Variants in STRBP observed in about 807,000 individuals in gnomAD.
The protein encoded by STRBP is spermatid perinuclear RNA-binding protein.
STRBP carries 13 observed loss-of-function variants against 80.1 expected under a neutral mutation model. The observed-to-expected ratio is 0.16, with a 90% CI of 0.11 to 0.26. The LOEUF is 0.26. STRBP is among the 10% of genes least tolerant of loss of function. STRBP has a pLI of 1.00. For synonymous variants in STRBP, 284 were observed against 291.2 expected (o/e 0.98, Z 0.25); for missense variants, 485 against 815.2 (o/e 0.59, Z 4.93).
chr9:123,229,722 G>A (rs1238759428), intron 2 of STRBP, among the ~76,000 whole-genome samples: 1 of 152,158 alleles, frequency 6.6e-6, no homozygotes, highest in African/African-American at 2.4e-5. Context: ...AATTTCCTTA[G>A]TGAAGTAAGT....
At chr9:123,138,544 C>T (rs978218646) in intron 14 of STRBP, among the ~76,000 whole-genome samples, 2 of 152,242 alleles carry the variant, frequency 1.3e-5, no homozygotes, top group African/African-American at 4.8e-5. Context: ...CGGCAAAGCT[C>T]ATCATCTGAA....
At chr9:123,112,230 C>G (rs1471260242) in intron 3 of STRBP, 1 of 167,168 alleles carries the variant, frequency 6.0e-6, no homozygotes, top group East Asian at 1.9e-4. Flanking sequence ...TCGTCAGCAT[C>G]CTGGGACAGC....
intron 6 of STRBP, among the ~76,000 whole-genome samples, chr9:123,165,674 T>C (rs1243346486): frequency 6.6e-6 from 1 of 152,130 alleles, no homozygotes; most frequent in Non-Finnish European, 1.5e-5. Flanking sequence ...CCAAAAGAAA[T>C]TGAGACTCTG....
At chr9:123,248,877 C>G (rs1416710266) in intron 1 of STRBP, among the ~76,000 whole-genome samples, 1 of 152,214 alleles carries the variant, frequency 6.6e-6, no homozygotes, top group Admixed American at 6.5e-5. Context: ...AGACTATAAA[C>G]TACTAAAGAG....
At chr9:123,131,147 C>T (rs1347795975) in intron 17 of STRBP, among the ~76,000 whole-genome samples, 1 of 152,216 alleles carries the variant, frequency 6.6e-6, no homozygotes, top group Non-Finnish European at 1.5e-5. Flanking sequence ...ATGTACAATA[C>T]ATTACTGTAA....
intron 2 of STRBP, among the ~76,000 whole-genome samples, chr9:123,196,715 T>C (rs10818790): frequency 0.38 from 57,534 of 152,038 alleles, 13,394 homozygotes; most frequent in South Asian, 0.55. Flanking sequence ...AAATGGCTTT[T>C]ATCCAAAAAG....
At chr9:123,196,994 G>A (rs1317587809) in intron 2 of STRBP, among the ~76,000 whole-genome samples, 2 of 152,164 alleles carry the variant, frequency 1.3e-5, no homozygotes, top group African/African-American at 2.4e-5. Context: ...CTAAATGTCC[G>A]TGAAGAGACG....
At chr9:123,230,105 A>T (rs2040357179) in intron 2 of STRBP, among the ~76,000 whole-genome samples, 1 of 152,176 alleles carries the variant, frequency 6.6e-6, no homozygotes, top group Admixed American at 6.5e-5. Flanking sequence ...AAGCTGAGTG[A>T]GGAAGGGAAT....
chr9:123,132,774 A>AAT, intron 17 of STRBP, 71 bp downstream of exon 17: 1 of 1,583,484 alleles, frequency 6.3e-7, no homozygotes, highest in Non-Finnish European at 8.6e-7. Flanking sequence ...AACCTTAGAA[A>AAT]ATGCAGGAGA....
chr9:123,140,140 T>C (rs140722419), intron 13 of STRBP, among the ~76,000 whole-genome samples: 1 of 152,216 alleles, frequency 6.6e-6, no homozygotes, highest in Non-Finnish European at 1.5e-5. Context: ...AAGACTATAC[T>C]GGTTGACCTC....
rs1434423244 is a variant in STRBP, at chr9:123,122,269, C to T, written c.*3328G>A. On this transcript the variant is annotated 3_prime_UTR_variant, in exon 19 of 19. Transcript: ENST00000348403. ...TACAAGTGATATGGCTACGAAGGTC[C>T]GAGGAGAACGAGAATAAAGTGAGAT... 10 of 1,236,916 alleles carry T rather than the reference C, an allele frequency of 8.1e-6. No homozygotes were observed. The highest frequency in any genetic ancestry group is 1.1e-5 in the Non-Finnish European group (10 of 942,080). 76.6% of individuals were successfully genotyped at this position (1,236,916 alleles called of 1,614,324 possible).
At chr9:123,147,237 G>A (rs983415537) in intron 12 of STRBP, among the ~76,000 whole-genome samples, 183 bp from the exon 13 acceptor site, 6 of 151,994 alleles carry the variant, frequency 3.9e-5, no homozygotes, top group Non-Finnish European at 7.4e-5. Context: ...TATAAAAATT[G>A]TATGCATTAT....
chr9:123,180,598 C>T (rs554555527), intron 3 of STRBP, among the ~76,000 whole-genome samples: 4 of 152,216 alleles, frequency 2.6e-5, no homozygotes, highest in South Asian at 2.1e-4. Flanking sequence ...CTACAAAGAT[C>T]GAAGGGTGGT....
At chr9:123,153,870 TG>T (rs2037166382) in intron 11 of STRBP, among the ~76,000 whole-genome samples, 1 of 152,156 alleles carries the variant, frequency 6.6e-6, no homozygotes, top group South Asian at 2.1e-4. Flanking sequence ...AGAAAGGGTC[TG>T]AGGACTGAAC....
intron 2 of STRBP, among the ~76,000 whole-genome samples, chr9:123,196,417 T>C (rs1469870131): frequency 7.3e-5 from 11 of 151,582 alleles, no homozygotes; most frequent in African/African-American, 9.7e-5. Flanking sequence ...AAGGAAACAA[T>C]CAACAAAGTA....
chr9:123,262,341 C>G (rs180681771), intron 1 of STRBP, among the ~76,000 whole-genome samples: 36 of 152,298 alleles, frequency 2.4e-4, no homozygotes, highest in Non-Finnish European at 4.6e-4. Flanking sequence ...TATATGTCAA[C>G]AGCACTATAT....
chr9:123,218,462 C>T (rs1195590886), intron 2 of STRBP, among the ~76,000 whole-genome samples: 4 of 149,226 alleles, frequency 2.7e-5, no homozygotes, highest in Non-Finnish European at 5.9e-5. Flanking sequence ...CTCCGCCTCC[C>T]GGGTTCACGC....
At chr9:123,216,557 G>T (rs1288255396) in intron 2 of STRBP, among the ~76,000 whole-genome samples, 1 of 152,178 alleles carries the variant, frequency 6.6e-6, no homozygotes, top group Non-Finnish European at 1.5e-5. Flanking sequence ...CACAGCTGCT[G>T]TGCTTACTAC....
At chr9:123,187,149 A>G (rs2038732234) in intron 2 of STRBP, among the ~76,000 whole-genome samples, 1 of 152,078 alleles carries the variant, frequency 6.6e-6, no homozygotes, top group Admixed American at 6.5e-5. Flanking sequence ...AGATAACACA[A>G]CCTAAGTAAG....
Sources: allele counts gnomAD v4.1 joint callset (sites outside exome capture counted in the v4.1 genomes callset), GRCh38; gene constraint gnomAD v4.1.1; transcripts MANE v1.5; gene names NCBI Gene and HGNC (gene_info 2026-07-23, HGNC 2026-07-21).